The following ISX variants were observed in gnomAD, a reference collection of about 807,000 sequenced individuals.
ISX encodes the protein intestine-specific homeobox.
A neutral mutation model predicts 16.9 loss-of-function variants in ISX; 15 were observed. The ratio of observed to expected loss-of-function variants is 0.89; its 90% CI spans 0.59 to 1.36. ISX has a LOEUF of 1.36. ISX is among the 40% of genes most tolerant of loss of function. The pLI is 0.00. For missense variants in ISX, 316 were observed against 306.1 expected (o/e 1.03, Z -0.24); for synonymous variants, 125 against 119.7 (o/e 1.04, Z -0.29).
intron 4 of ISX, among the ~76,000 whole-genome samples, chr22:35,084,831 G>A (rs1224543700): frequency 3.9e-5 from 6 of 152,156 alleles, no homozygotes; most frequent in African/African-American, 1.4e-4. Flanking sequence ...CAGACTGCCT[G>A]AGTTCGAATC....
intron 4 of ISX, 70 bp downstream of exon 4, chr22:35,084,569 TG>T: frequency 9.7e-7 from 1 of 1,028,190 alleles, no homozygotes; most frequent in Non-Finnish European, 1.5e-6. Flanking sequence ...CAGACCCAGA[TG>T]TGAAGAAGCA....
At chr22:35,080,872 C>T (rs887442040) in intron 2 of ISX, among the ~76,000 whole-genome samples, 14 of 152,158 alleles carry the variant, frequency 9.2e-5, no homozygotes, top group African/African-American at 3.4e-4. Context: ...TGTCCACCTC[C>T]CTCTGTTAGC....
chr22:35,071,114 T>A (rs776225477), intron 2 of ISX, among the ~76,000 whole-genome samples: 3 of 152,110 alleles, frequency 2.0e-5, no homozygotes, highest in Admixed American at 6.5e-5. Context: ...CAGGCTCACC[T>A]CCCATCACAC....
intron 2 of ISX, among the ~76,000 whole-genome samples, chr22:35,074,432 T>C (rs965844736): frequency 3.9e-5 from 6 of 152,236 alleles, no homozygotes; most frequent in African/African-American, 1.4e-4. Flanking sequence ...GAACTCTTTG[T>C]ACATCATTTT....
rs530592366 is a variant in ISX, at chr22:35,067,155, C to T, written c.68C>T (p.Ala23Val). ...MERNSLGCCE[A>V]PKKLSLSFSI... ...AGAAATAGCTTGGGGTGCTGTGAGG[C>T]CCCGAAGAAGCTGAGCCTGTCCTTC... The change falls in exon 2 of 5, where the codon GCC becomes GTC. Residue 23 changes from alanine (A) to valine (V), a missense_variant. Coordinates refer to ENST00000404699, the MANE Select transcript of ISX (RefSeq NM_001303508.2). 2.7e-5 allele frequency: 43 copies of T among 1,613,680 alleles called. No homozygotes were observed. Among genetic ancestry groups the T allele is most frequent in the South Asian group, 1.4e-4 (13 of 91,016 alleles).
At chr22:35,082,812 T>G in intron 3 of ISX, 143 bp downstream of exon 3, 1 of 799,984 alleles carries the variant, frequency 1.3e-6, no homozygotes. Flanking sequence ...TTTGGCCAAA[T>G]ATTATTTTCC....
rs540460789 is a variant in ISX, at chr22:35,082,944, T to C, written c.381+275T>C. Among the ~76,000 whole-genome samples, 57 of 152,270 alleles carry C rather than the reference T, an allele frequency of 3.7e-4. No individual in the cohort carries two copies. The Middle Eastern group carries it at 0.01, about 27-fold the overall frequency. Reference sequence around the variant, plus strand: ...ACCCTTCCTCCCCGCTTGGCGACAGTTCCCAAACGTCGTTCACAATGCAGC... The same window carrying C: ...ACCCTTCCTCCCCGCTTGGCGACAGCTCCCAAACGTCGTTCACAATGCAGC... On this transcript the variant is annotated intron_variant, in intron 3 of 4. Transcript: ENST00000404699.
Position 35,085,658 on chromosome 22 carries a change from C to T in ISX, c.703C>T (p.Pro235Ser), listed in dbSNP as rs1270021878. Residue 235 changes from proline (P) to serine (S), a missense_variant, in exon 5 of 5, where the codon CCC (proline) becomes TCC (serine). By Grantham distance (74) the Pro-to-Ser change is moderately conservative. Transcript: ENST00000404699. ...PVLCILPPPH[P>S]KWGSICATST is the part of the protein sequence containing the mutation. Reference sequence around the variant, plus strand: ...GCTATGCATCCTTCCACCTCCACACCCCAAATGGGGCAGCATCTGTGCTAC... The same window carrying T: ...GCTATGCATCCTTCCACCTCCACACTCCAAATGGGGCAGCATCTGTGCTAC... 3 of 1,614,240 alleles carry T rather than the reference C, an allele frequency of 1.9e-6. No individual in the cohort carries two copies. The highest frequency in any genetic ancestry group is 4.5e-5 in the East Asian group (2 of 44,882).
chr22:35,080,246 T>A (rs1472819945), intron 2 of ISX, among the ~76,000 whole-genome samples: 1 of 152,196 alleles, frequency 6.6e-6, no homozygotes, highest in African/African-American at 2.4e-5. Context: ...GTGATACCCA[T>A]TCCCATGACT....
intron 2 of ISX, among the ~76,000 whole-genome samples, chr22:35,074,377 C>T (rs563843560): frequency 6.6e-6 from 1 of 152,322 alleles, no homozygotes; most frequent in Admixed American, 6.5e-5. Flanking sequence ...CCTTCTACTT[C>T]ACTGTTCCAT....
chr22:35,075,956 G>A (rs1928968557), intron 2 of ISX, among the ~76,000 whole-genome samples: 1 of 152,166 alleles, frequency 6.6e-6, no homozygotes, highest in Admixed American at 6.5e-5. Flanking sequence ...TAAAAGAAAT[G>A]TGACTATAAT....
chr22:35,076,709 G>T (rs1928992002), intron 2 of ISX, among the ~76,000 whole-genome samples: 1 of 152,182 alleles, frequency 6.6e-6, no homozygotes, highest in Non-Finnish European at 1.5e-5. Context: ...TCAGGGGAGG[G>T]TGCTGAGCGA....
Position 35,066,909 on chromosome 22 carries a change from C to A in ISX, c.-179C>A, listed in dbSNP as rs1211772331. 4 of 591,578 alleles carry A rather than the reference C, an allele frequency of 6.8e-6. No homozygotes were observed. In the African/African-American group the frequency reaches 7.4e-5, roughly 11 times the overall value. The allele number at this position is 591,578 out of a possible 1,614,324, so 36.6% of individuals were successfully genotyped here. On this transcript the variant is annotated 5_prime_UTR_variant, in exon 2 of 5. It adds an upstream start codon to the 5' untranslated region. Transcript: ENST00000404699. ...GATACCACTCCTTCCAGCTCTTCTG[C>A]TGTGACCTGCCCATGGAAGTCCCTG...
intron 2 of ISX, among the ~76,000 whole-genome samples, chr22:35,071,331 C>A (rs1005760965): frequency 5.9e-5 from 9 of 152,344 alleles, no homozygotes; most frequent in African/African-American, 1.9e-4. Flanking sequence ...GCTTAAAACA[C>A]AGAAATGTAT....
intron 2 of ISX, among the ~76,000 whole-genome samples, chr22:35,069,748 A>C (rs984615637): frequency 3.3e-5 from 5 of 152,126 alleles, no homozygotes; most frequent in African/African-American, 1.2e-4. Context: ...CCTTTTGTGC[A>C]GGACCCCTCA....
At chr22:35,076,686 A>C (rs1268245009) in intron 2 of ISX, among the ~76,000 whole-genome samples, 5 of 152,204 alleles carry the variant, frequency 3.3e-5, no homozygotes, top group Non-Finnish European at 7.3e-5. Flanking sequence ...AGCAGACCCC[A>C]GAGAAGAAGC....
At chr22:35,075,985 A>G (rs1373412298) in intron 2 of ISX, among the ~76,000 whole-genome samples, 2 of 152,222 alleles carry the variant, frequency 1.3e-5, no homozygotes, top group African/African-American at 4.8e-5. Flanking sequence ...CTCACCATCC[A>G]GTAATAATCA....
intron 2 of ISX, among the ~76,000 whole-genome samples, chr22:35,072,899 AT>A (rs1166828893): frequency 6.6e-6 from 1 of 152,128 alleles, no homozygotes; most frequent in Non-Finnish European, 1.5e-5. Flanking sequence ...TAATGATGTT[AT>A]TTGGGGTTGC....
intron 2 of ISX, among the ~76,000 whole-genome samples, chr22:35,076,099 TA>T (rs10531455): frequency 0.035 from 5,189 of 148,002 alleles, 205 homozygotes; most frequent in African/African-American, 0.1. Flanking sequence ...ACTCTTAAAT[TA>T]AAAAAAAAAA....
Sources: gnomAD v4.1 joint callset for allele counts (sites outside exome capture counted in the v4.1 genomes callset) on GRCh38, gnomAD v4.1.1 for gene constraint, MANE v1.5 for transcripts, NCBI Gene and HGNC (gene_info 2026-07-23, HGNC 2026-07-21) for gene names.